Variants in STX18 observed in about 807,000 individuals in gnomAD.
The protein encoded by STX18 is syntaxin-18.
STX18 carries 40 observed loss-of-function variants against 50.1 expected under a neutral mutation model. That is an observed-to-expected ratio of 0.80 (90% CI 0.62 to 1.04). STX18 has a LOEUF of 1.04. Ranked by LOEUF, STX18 falls within the 50% of genes least tolerant of loss-of-function variation. STX18 has a pLI of 0.00. For synonymous variants in STX18, 158 were observed against 151.8 expected, an observed-to-expected ratio of 1.04 and a Z score of -0.30; for missense variants, 410 against 415.8, an observed-to-expected ratio of 0.99 and a Z score of 0.12.
At chr4:4,477,240 T>TCAAAACAAAA (rs1405776775) in intron 1 of STX18, among the ~76,000 whole-genome samples, 1 of 152,128 alleles carries the variant, frequency 6.6e-6, no homozygotes, top group Non-Finnish European at 1.5e-5. Flanking sequence ...AGACTCGGTC[T>TCAAAACAAAA]CAAAACAAAA....
intron 1 of STX18, among the ~76,000 whole-genome samples, chr4:4,502,741 A>G (rs34654229): frequency 0.2 from 30,915 of 152,130 alleles, 3,213 homozygotes; most frequent in Non-Finnish European, 0.23. Flanking sequence ...GTGTGTGTGC[A>G]GCACATGTAA....
chr4:4,438,678 C>T (rs1244690139), intron 5 of STX18, among the ~76,000 whole-genome samples, 169 bp from the exon 6 acceptor site: 1 of 152,084 alleles, frequency 6.6e-6, no homozygotes. Context: ...CACTGGGGCA[C>T]TTAACACTGG....
At chr4:4,475,726 G>C (rs1728142752) in intron 1 of STX18, among the ~76,000 whole-genome samples, 2 of 152,186 alleles carry the variant, frequency 1.3e-5, no homozygotes, top group South Asian at 4.1e-4. Context: ...ATACAATTCT[G>C]ACGTGCTCAT....
At chr4:4,510,493 G>C (rs1729945362) in intron 1 of STX18, among the ~76,000 whole-genome samples, 1 of 152,056 alleles carries the variant, frequency 6.6e-6, no homozygotes, top group African/African-American at 2.4e-5. Flanking sequence ...TTATTAAAAA[G>C]TCAGGAAACA....
chr4:4,517,410 T>G (rs959727448), intron 1 of STX18, among the ~76,000 whole-genome samples: 7 of 152,214 alleles, frequency 4.6e-5, no homozygotes, highest in African/African-American at 1.4e-4. Context: ...GTTGGTTTCT[T>G]GTTGGTGTTG....
chr4:4,467,269 C>T (rs1399551761), intron 2 of STX18, among the ~76,000 whole-genome samples: 1 of 152,050 alleles, frequency 6.6e-6, no homozygotes, highest in Non-Finnish European at 1.5e-5. Flanking sequence ...CGTTTGTTTC[C>T]AAGAGGGGCT....
chr4:4,464,110 T>C (rs1353368374), intron 2 of STX18, among the ~76,000 whole-genome samples: 2 of 152,240 alleles, frequency 1.3e-5, no homozygotes, highest in Non-Finnish European at 2.9e-5. Context: ...CCTCGTTTTA[T>C]AAAGATGAAA....
Position 4,442,947 on chromosome 4 carries a change from A to T in STX18, c.498-4438T>A, listed in dbSNP as rs139822678. 2.1e-3 allele frequency among the ~76,000 whole-genome samples: 326 copies of T among 152,338 alleles called. 6 individuals are homozygous for T. Among genetic ancestry groups the T allele is most frequent in the East Asian group, 0.011 (58 of 5,188 alleles). On this transcript the variant is annotated intron_variant, in intron 5 of 10. Coordinates refer to ENST00000306200, the MANE Select transcript of STX18 (RefSeq NM_016930.4). ...AAAATGCTCAATCTTCCTCATAAGA[A>T]GATGATGCATATTAACAACTACACT...
In STX18 at chr4:4,529,390, T is replaced by A. The variant is rs111564959; in HGVS notation, c.168+12407A>T. On this transcript the variant is annotated intron_variant, in intron 1 of 10. Transcript: ENST00000306200. ...AGAAAAGAAATGCACGGTCACAAGG[T>A]AATTGTTGATTAAAAGAAAAAGGTT... 8.3e-4 allele frequency among the ~76,000 whole-genome samples: 127 copies of A among 152,302 alleles called. 2 individuals are homozygous for A. The highest frequency in any genetic ancestry group is 2.9e-3 in the African/African-American group (122 of 41,566).
At chr4:4,496,341 G>C (rs143317115) in intron 1 of STX18, among the ~76,000 whole-genome samples, 60 of 152,292 alleles carry the variant, frequency 3.9e-4, no homozygotes, top group Non-Finnish European at 6.5e-4. Flanking sequence ...GTGAGATCCT[G>C]TGTCTTGGTT....
At chr4:4,540,373 T>C (rs1731529018) in intron 1 of STX18, among the ~76,000 whole-genome samples, 1 of 152,254 alleles carries the variant, frequency 6.6e-6, no homozygotes, top group Admixed American at 6.5e-5. Context: ...CCAATTTTTA[T>C]GAGAGTCCCA....
rs192372499 is a variant in STX18 at position 4,527,853 on chromosome 4, C to T, written c.168+13944G>A. Among the ~76,000 whole-genome samples the T allele has an allele frequency of 3.0e-3, 295 of 98,436 alleles. 4 individuals are homozygous for T. The highest frequency in any genetic ancestry group is 0.014 in the East Asian group (63 of 4,374). 64.6% of individuals were successfully genotyped at this position (98,436 alleles called of 152,430 possible). A position where few individuals can be genotyped will look rare whatever the true frequency, so the allele number is the denominator to read the frequency against. On this transcript the variant is annotated intron_variant, in intron 1 of 10. Coordinates refer to ENST00000306200, the MANE Select transcript of STX18 (RefSeq NM_016930.4). ...ATATATATGTCTTTATATATATATA[C>T]ACACACACACACACATATATATATA...
chr4:4,508,289 C>T (rs1187261137), intron 1 of STX18, among the ~76,000 whole-genome samples: 1 of 152,114 alleles, frequency 6.6e-6, no homozygotes, highest in African/African-American at 2.4e-5. Flanking sequence ...CCCGTTTTTG[C>T]TTCTCTAGAA....
intron 5 of STX18, among the ~76,000 whole-genome samples, chr4:4,454,453 T>C (rs941627198): frequency 1.4e-4 from 22 of 152,216 alleles, no homozygotes; most frequent in African/African-American, 5.1e-4. Context: ...CTTGGGTACC[T>C]GTGAAGTCCA....
At chr4:4,455,047 GAA>G (rs1019652369) in intron 5 of STX18, among the ~76,000 whole-genome samples, 3 of 152,152 alleles carry the variant, frequency 2.0e-5, no homozygotes, top group Non-Finnish European at 2.9e-5. Context: ...CAAAAGCCCA[GAA>G]AAGTTAAGCA....
At chr4:4,479,911 A>G (rs1728374335) in intron 1 of STX18, among the ~76,000 whole-genome samples, 1 of 144,840 alleles carries the variant, frequency 6.9e-6, no homozygotes, top group South Asian at 2.2e-4. Context: ...AGCTGGTCCT[A>G]TCAGTGGATC....
At chr4:4,457,291 C>T in intron 4 of STX18, 34 bp from the exon 5 acceptor site, 1 of 1,600,034 alleles carries the variant, frequency 6.2e-7, no homozygotes, top group Non-Finnish European at 8.6e-7. Context: ...AGAGAGACTG[C>T]TTAAAACAGC....
At chr4:4,439,441 C>A (rs1725984028) in intron 5 of STX18, among the ~76,000 whole-genome samples, 1 of 111,708 alleles carries the variant, frequency 9.0e-6, no homozygotes, top group Non-Finnish European at 1.7e-5. Context: ...CCCACATATA[C>A]CCTCCCCCAC....
intron 1 of STX18, among the ~76,000 whole-genome samples, chr4:4,538,891 C>G (rs781414145): frequency 6.6e-5 from 10 of 151,972 alleles, no homozygotes; most frequent in Admixed American, 6.6e-4. Flanking sequence ...TGGAGTTGTT[C>G]GAATAATATA....
Sources: allele counts gnomAD v4.1 joint callset (sites outside exome capture counted in the v4.1 genomes callset), GRCh38; gene constraint gnomAD v4.1.1; transcripts MANE v1.5; gene names NCBI Gene and HGNC (gene_info 2026-07-23, HGNC 2026-07-21).